Variants in CALD1 observed in about 807,000 individuals in gnomAD.
The protein encoded by CALD1 is caldesmon 1.
A neutral mutation model predicts 99.9 loss-of-function variants in CALD1; 33 were observed. The observed-to-expected ratio is 0.33, with a 90% CI of 0.25 to 0.44. CALD1 has a LOEUF of 0.44. CALD1 is among the 20% of genes least tolerant of loss of function. The pLI, the probability that CALD1 is intolerant of heterozygous loss-of-function variation, is 1.00. For synonymous variants in CALD1, 310 were observed against 325.0 expected (o/e 0.95, Z 0.50); for missense variants, 861 against 962.1 (o/e 0.89, Z 1.39).
intron 2 of CALD1, among the ~76,000 whole-genome samples, chr7:134,864,067 C>T (rs1046808319): frequency 2.0e-5 from 3 of 152,152 alleles, no homozygotes; most frequent in Admixed American, 2.0e-4. Context: ...AAAAGAAGGG[C>T]AGGCTGGGTG....
chr7:134,776,138 G>C (rs201181168), upstream of CALD1, among the ~76,000 whole-genome samples: 1 of 151,848 alleles, frequency 6.6e-6, no homozygotes, highest in Non-Finnish European at 1.5e-5. Flanking sequence ...CTATTTATTT[G>C]TCTTGGTTAG....
chr7:134,911,433 C>T (rs1327178262), intron 3 of CALD1, among the ~76,000 whole-genome samples: 1 of 152,090 alleles, frequency 6.6e-6, no homozygotes, highest in African/African-American at 2.4e-5. Context: ...ATGACCTTCT[C>T]CCGCCTCTGT....
chr7:134,825,939 C>T (rs966216038), intron 1 of CALD1, among the ~76,000 whole-genome samples: 5 of 152,080 alleles, frequency 3.3e-5, no homozygotes, highest in Non-Finnish European at 7.4e-5. Flanking sequence ...CCAACACCAT[C>T]TTAATTCAGG....
At chr7:134,779,102 A>T (rs866474259), upstream of CALD1, among the ~76,000 whole-genome samples, 3 of 152,164 alleles carry the variant, frequency 2.0e-5, no homozygotes, top group South Asian at 2.1e-4. Context: ...ATTTAAACTC[A>T]TTTTGTATGT....
intron 1 of CALD1, among the ~76,000 whole-genome samples, chr7:134,833,495 C>T (rs1396755903): frequency 6.6e-6 from 1 of 152,172 alleles, no homozygotes; most frequent in Non-Finnish European, 1.5e-5. Flanking sequence ...CCAATAAAAA[C>T]AGCAGTACTA....
intron 3 of CALD1, among the ~76,000 whole-genome samples, chr7:134,872,354 T>G (rs2132355869): frequency 1.3e-5 from 1 of 74,836 alleles, no homozygotes; most frequent in Non-Finnish European, 2.3e-5. Flanking sequence ...TGAGACTCGG[T>G]CTCAAAAAAA....
chr7:134,804,385 T>A (rs1403650541), intron 1 of CALD1, among the ~76,000 whole-genome samples: 3 of 152,228 alleles, frequency 2.0e-5, no homozygotes, highest in African/African-American at 4.8e-5. Context: ...CCCTTTTTAA[T>A]ACAGTCAAAC....
intron 1 of CALD1, among the ~76,000 whole-genome samples, chr7:134,809,170 A>C (rs1199290877): frequency 6.6e-6 from 1 of 152,220 alleles, no homozygotes; most frequent in Non-Finnish European, 1.5e-5. Flanking sequence ...GTAGTACAAT[A>C]CCGGGGACAC....
At chr7:134,834,289 A>G (rs1233943518) in intron 1 of CALD1, among the ~76,000 whole-genome samples, 3 of 152,234 alleles carry the variant, frequency 2.0e-5, no homozygotes, top group Non-Finnish European at 4.4e-5. Context: ...AAGGGCCACA[A>G]AGGATCAGTT....
intron 1 of CALD1, among the ~76,000 whole-genome samples, chr7:134,803,382 A>T (rs142457075): frequency 1.6e-3 from 250 of 152,230 alleles, no homozygotes; most frequent in African/African-American, 5.8e-3. Context: ...TTATATTTTA[A>T]TGAAATCCCA....
intron 4 of CALD1, among the ~76,000 whole-genome samples, chr7:134,932,240 G>T (rs1805575656): frequency 6.6e-6 from 1 of 152,196 alleles, no homozygotes; most frequent in Non-Finnish European, 1.5e-5. Flanking sequence ...GGAGGAGCAG[G>T]AATTGTAAGG....
intron 3 of CALD1, among the ~76,000 whole-genome samples, chr7:134,886,110 G>C (rs1349975297): frequency 4.6e-5 from 7 of 152,200 alleles, no homozygotes; most frequent in African/African-American, 7.2e-5. Context: ...ATTGGTGCAA[G>C]ACAGTTTAAA....
At chr7:134,883,505 G>T (rs10247392) in intron 3 of CALD1, among the ~76,000 whole-genome samples, 73,974 of 151,740 alleles carry the variant, frequency 0.49, 18,637 homozygotes, top group East Asian at 0.84. Context: ...CCAGGCTGGT[G>T]GTTATTCTAT....
At chr7:134,711,678 ATATGTGTGTG>A in the CALD1 span, among the ~76,000 whole-genome samples, 56 of 54,826 alleles carry the variant, frequency 1.0e-3, 2 homozygotes, top group Admixed American at 9.5e-4. Context: ...ATATATATAT[ATATGTGTGTG>A]TGTGTGTGTG....
intron 1 of CALD1, among the ~76,000 whole-genome samples, chr7:134,782,234 T>C (rs1264228236): frequency 1.3e-5 from 2 of 152,232 alleles, no homozygotes; most frequent in Middle Eastern, 3.2e-3. Context: ...CTATCACATG[T>C]CTCAGAAATG....
At chr7:134,929,094 C>T (rs1001616923) in intron 4 of CALD1, among the ~76,000 whole-genome samples, 194 bp downstream of exon 4, 17 of 152,196 alleles carry the variant, frequency 1.1e-4, no homozygotes, top group Non-Finnish European at 1.6e-4. Context: ...CTAGGACACA[C>T]TATTCTATTT....
intron 8 of CALD1, among the ~76,000 whole-genome samples, chr7:134,949,216 G>A (rs925056542): frequency 2.1e-4 from 32 of 152,098 alleles, no homozygotes; most frequent in African/African-American, 7.2e-4. Flanking sequence ...GAGAAATCAC[G>A]AAGTCTTAGA....
At chr7:134,872,366 A>G (rs1443350752) in intron 3 of CALD1, among the ~76,000 whole-genome samples, 1 of 76,292 alleles carries the variant, frequency 1.3e-5, no homozygotes, top group Non-Finnish European at 2.6e-5. Flanking sequence ...TCAAAAAAAA[A>G]AAAAAAAAAA....
intron 8 of CALD1, among the ~76,000 whole-genome samples, chr7:134,949,186 G>C (rs373236018): frequency 2.0e-5 from 3 of 152,190 alleles, no homozygotes; most frequent in African/African-American, 7.2e-5. Context: ...CAGAGGAGGA[G>C]AGTATCAGGA....
Sources: gnomAD v4.1 joint callset for allele counts (sites outside exome capture counted in the v4.1 genomes callset) on GRCh38, gnomAD v4.1.1 for gene constraint, MANE v1.5 for transcripts, NCBI Gene and HGNC (gene_info 2026-07-23, HGNC 2026-07-21) for gene names.